Variants in RELCH observed in about 807,000 individuals in gnomAD.
RELCH encodes RAB11 binding and LisH domain, coiled-coil and HEAT repeat containing, also known as RAB11-binding protein RELCH.
Under a neutral mutation model 150.3 loss-of-function variants are expected in RELCH, and 41 were observed. That is an observed-to-expected ratio of 0.27 (90% CI 0.21 to 0.35). The LOEUF is 0.35. Ranked by LOEUF, RELCH falls within the 10% of genes least tolerant of loss-of-function variation. The pLI, the probability that RELCH is intolerant of heterozygous loss-of-function variation, is 1.00. For missense variants in RELCH, 1,092 were observed against 1,467.8 expected (o/e 0.74, Z 4.18); for synonymous variants, 478 against 531.8 (o/e 0.90, Z 1.39).
At position 62,252,695 on chromosome 18, in the gene RELCH, G is replaced by T. The variant is rs1382949475; in HGVS notation, c.1765G>T (p.Ala589Ser). 36 of 1,613,908 alleles carry T rather than the reference G, an allele frequency of 2.2e-5. No individual in the cohort carries two copies. The highest frequency in any genetic ancestry group is 3.0e-5 in the Non-Finnish European group (35 of 1,179,914). The change falls in exon 12 of 29, where the codon GCG becomes TCG. Residue 589 changes from alanine to serine, a missense_variant. Ala to Ser is a moderately conservative substitution (Grantham distance 99). Around this residue, in one of 4 missense-constraint regions of RELCH, gnomAD observed 707 missense variants for 1,025.4 expected, o/e 0.69. Coordinates refer to ENST00000644646, the MANE Select transcript of RELCH (RefSeq NM_001346231.2). ...GATACTGACAGGTTGTGTGGCATTT[G>T]CGCGTCATGTTGGACCAACACGTGT... ...QMILTGCVAF[A>S]RHVGPTRVEA...
intron 10 of RELCH, among the ~76,000 whole-genome samples, chr18:62,237,490 A>G (rs2041935105): frequency 6.6e-6 from 1 of 151,792 alleles, no homozygotes; most frequent in South Asian, 2.1e-4. Flanking sequence ...AACAAATGAT[A>G]CTGTATTCTA....
intron 5 of RELCH, among the ~76,000 whole-genome samples, chr18:62,223,666 T>C (rs565372779): frequency 6.6e-6 from 1 of 152,180 alleles, no homozygotes; most frequent in East Asian, 1.9e-4. Context: ...AATATAGATA[T>C]AGAAATTATA....
intron 25 of RELCH, among the ~76,000 whole-genome samples, chr18:62,284,831 A>G (rs966746953): frequency 3.3e-5 from 5 of 151,966 alleles, no homozygotes; most frequent in South Asian, 2.1e-4. Context: ...TTATCACAGG[A>G]CCTTTGGTCT....
intron 25 of RELCH, 145 bp from the exon 26 acceptor site, chr18:62,287,206 A>G (rs773434531): frequency 1.9e-5 from 11 of 577,056 alleles, no homozygotes; most frequent in African/African-American, 5.8e-5. Context: ...AGAAAAAGCA[A>G]GTATAAGATA....
rs542520871 is a variant in RELCH, at chr18:62,187,788, G to A, written c.283G>A (p.Asp95Asn). The A allele has an allele frequency of 6.2e-7, 1 of 1,604,802 alleles. No homozygotes were observed. Among genetic ancestry groups the A allele is most frequent in the South Asian group, 1.1e-5 (1 of 90,372 alleles). ...GGAGACCCCGGCCCGATTATCAATT[G>A]ATGCGATCGCTGCTCAGCTGTTGCG... Reference protein sequence around the residue: ...TGETPARLSIDAIAAQLLRDQ... With the variant: ...TGETPARLSINAIAAQLLRDQ... The change falls in exon 1 of 29, where the codon GAT becomes AAT. Residue 95 changes from aspartate (D) to asparagine (N), a missense_variant. Asp to Asn is a conservative substitution (Grantham distance 23). Transcript: ENST00000644646.
intron 27 of RELCH, among the ~76,000 whole-genome samples, chr18:62,292,016 G>A (rs769540537): frequency 2.6e-5 from 4 of 151,504 alleles, no homozygotes; most frequent in African/African-American, 4.9e-5. Context: ...GTTTCCCCTC[G>A]TTTCCTCCAA....
intron 2 of RELCH, among the ~76,000 whole-genome samples, chr18:62,212,529 TA>T (rs879356085): frequency 2.0e-5 from 3 of 152,244 alleles, no homozygotes; most frequent in Admixed American, 2.0e-4. Context: ...ACAAGTTTTT[TA>T]AAACATACCA....
At chr18:62,257,542 T>G (rs1196714865) in intron 13 of RELCH, among the ~76,000 whole-genome samples, 2 of 151,838 alleles carry the variant, frequency 1.3e-5, no homozygotes, top group Non-Finnish European at 2.9e-5. Flanking sequence ...GACACGAGAG[T>G]CATTGTCCAT....
chr18:62,248,460 A>G (rs2042534261), intron 11 of RELCH, among the ~76,000 whole-genome samples: 1 of 152,172 alleles, frequency 6.6e-6, no homozygotes, highest in Non-Finnish European at 1.5e-5. Context: ...TGTAATAAGC[A>G]GAGGGAACAC....
At chr18:62,281,999 A>G (rs2044541481) in intron 24 of RELCH, among the ~76,000 whole-genome samples, 1 of 152,222 alleles carries the variant, frequency 6.6e-6, no homozygotes, top group Non-Finnish European at 1.5e-5. Flanking sequence ...TTTAGATACA[A>G]AATAATCATA....
At chr18:62,265,239 C>G (rs1331627134) in intron 18 of RELCH, among the ~76,000 whole-genome samples, 1 of 152,068 alleles carries the variant, frequency 6.6e-6, no homozygotes, top group Non-Finnish European at 1.5e-5. Flanking sequence ...GTAAAAACCT[C>G]AAGCGATTAT....
chr18:62,207,575 T>G (rs1186412171), intron 1 of RELCH, among the ~76,000 whole-genome samples: 1 of 152,216 alleles, frequency 6.6e-6, no homozygotes, highest in African/African-American at 2.4e-5. Context: ...CTAAACTGTA[T>G]TCCAAAATGT....
chr18:62,217,656 G>A (rs1300750292), intron 2 of RELCH, among the ~76,000 whole-genome samples: 3 of 151,892 alleles, frequency 2.0e-5, no homozygotes, highest in Non-Finnish European at 2.9e-5. Context: ...TGGGTAGGTC[G>A]GTGTCTTGTG....
At chr18:62,210,327 CAT>C (rs1354390800) in intron 1 of RELCH, among the ~76,000 whole-genome samples, 1 of 152,182 alleles carries the variant, frequency 6.6e-6, no homozygotes, top group African/African-American at 2.4e-5. Flanking sequence ...TCCAATTCTG[CAT>C]ATGTTAGACC....
intron 11 of RELCH, 138 bp downstream of exon 11, chr18:62,245,014 C>A: frequency 1.7e-6 from 1 of 604,850 alleles, no homozygotes; most frequent in Non-Finnish European, 3.0e-6. Flanking sequence ...GGAGCATTCC[C>A]CCATCATGGA....
In RELCH at chr18:62,279,788, G is replaced by A. The variant is rs750127673; in HGVS notation, c.2982G>A (p.Gly994=). The change falls in exon 23 of 29, where the codon GGG becomes GGA. Residue 994 remains glycine (G), a synonymous_variant. Coordinates refer to ENST00000644646, the MANE Select transcript of RELCH (RefSeq NM_001346231.2). Reference sequence around the variant, plus strand: ...TGACCAATCAGCTGTTGGTGAAGGGGGTGAATGAAACTCTGGTAGCTCAGA... The same window carrying A: ...TGACCAATCAGCTGTTGGTGAAGGGAGTGAATGAAACTCTGGTAGCTCAGA... The part of the protein sequence containing the change: ...AARMFELLVK[G]VNETLVAQRV... 16 of 1,535,528 alleles carry A rather than the reference G, an allele frequency of 1.0e-5. No individual in the cohort carries two copies. The South Asian group carries it at 1.9e-4, about 18-fold the overall frequency.
intron 1 of RELCH, among the ~76,000 whole-genome samples, chr18:62,206,093 G>T (rs1006870829): frequency 2.6e-5 from 4 of 152,308 alleles, no homozygotes; most frequent in Admixed American, 2.6e-4. Flanking sequence ...TTGTTTGTTT[G>T]TTTTTTGAGA....
intron 10 of RELCH, among the ~76,000 whole-genome samples, chr18:62,233,850 A>C (rs2041728606): frequency 6.6e-6 from 1 of 151,904 alleles, no homozygotes; most frequent in Non-Finnish European, 1.5e-5. Context: ...ACTACCATTA[A>C]AATGATTGTA....
At chr18:62,224,912 C>T (rs940871006) in intron 5 of RELCH, among the ~76,000 whole-genome samples, 5 of 151,866 alleles carry the variant, frequency 3.3e-5, no homozygotes, top group African/African-American at 1.2e-4. Flanking sequence ...GCCAAAACAA[C>T]TTTAATAAAG....
Sources: gnomAD v4.1 joint callset for allele counts (sites outside exome capture counted in the v4.1 genomes callset) on GRCh38, gnomAD v4.1.1 for gene constraint, gnomAD v4.1.1 regional missense constraint, MANE v1.5 for transcripts, NCBI Gene and HGNC (gene_info 2026-07-23, HGNC 2026-07-21) for gene names.